MTG1: variants seen among roughly 807,000 people sequenced by gnomAD.
The protein encoded by MTG1 is mitochondrial ribosome-associated GTPase 1.
MTG1 carries 30 observed loss-of-function variants against 39.5 expected under a neutral mutation model. That is an observed-to-expected ratio of 0.76 (90% CI 0.57 to 1.03). The LOEUF (loss-of-function observed/expected upper bound fraction) is 1.03, where lower values mean the gene tolerates loss of function less well. Ranked by LOEUF, MTG1 falls within the 50% of genes least tolerant of loss-of-function variation. MTG1 has a pLI of 0.00. For synonymous variants in MTG1, 217 were observed against 179.0 expected (o/e 1.21, Z -1.69); for missense variants, 513 against 447.4 (o/e 1.15, Z -1.32).
In MTG1 at chr10:133,398,398, T is replaced by TA. The variant is rs57252561; in HGVS notation, c.283-30dup. 706 of 1,600,268 alleles carry TA rather than the reference T, an allele frequency of 4.4e-4. 3 individuals carry two copies. The East Asian group carries it at 0.012, about 27-fold the overall frequency. ...CTGGGTGACAGAGCCAAGACTCCAG[T>TA]AAAAAAAGTAACATAGAAATGTTTT... On this transcript the variant is annotated intron_variant, in intron 3 of 10. Coordinates refer to ENST00000317502, the MANE Select transcript of MTG1 (RefSeq NM_138384.4).
rs150969346 is a variant in MTG1, at chr10:133,419,489, G to A, written c.762G>A (p.Gln254=). Residue 254 remains glutamine (Q), a synonymous_variant, in exon 10 of 11, where the codon CAG becomes CAA. Coordinates refer to ENST00000317502, the MANE Select transcript of MTG1 (RefSeq NM_138384.4). ...TGCAGCCTATGTGCAGGTACGTGCA[G>A]CACTACGGCCTGGGCAGTGCCTGTG... is the stretch of plus-strand genomic sequence containing the variant. ...LNKHQRFGYV[Q]HYGLGSACDN... is the part of the protein sequence containing the mutation. 3.1e-3 allele frequency: 5,035 copies of A among 1,599,172 alleles called. 21 individuals carry two copies. The highest frequency in any genetic ancestry group is 3.8e-3 in the Non-Finnish European group (4,480 of 1,173,442).
chr10:133,408,660 T>A (rs558604185), intron 9 of MTG1, among the ~76,000 whole-genome samples: 2 of 152,392 alleles, frequency 1.3e-5, no homozygotes, highest in African/African-American at 4.8e-5. Context: ...AGTTCAGCAG[T>A]GAAGCCATCA....
At position 133,396,187 on chromosome 10, in the gene MTG1, C is replaced by A. The variant is rs1184726952; in HGVS notation, c.202C>A (p.Leu68Met). Residue 68 changes from leucine to methionine, a missense_variant, in exon 3 of 11, where the codon CTG becomes ATG. Physicochemically the swap from Leu to Met is conservative, Grantham distance 15. Transcript: ENST00000317502. ...ARIPLSGRNP[L>M]FQETLGLKPH... ...CATCCCACTTTCAGGCCGCAACCCTCTGTTTCAGGAAACCCTTGGGCTTAA... is the reference window on the plus strand; with the variant it reads ...CATCCCACTTTCAGGCCGCAACCCTATGTTTCAGGAAACCCTTGGGCTTAA... The A allele has an allele frequency of 6.2e-7, 1 of 1,614,208 alleles. No homozygotes were observed. The highest frequency in any genetic ancestry group is 1.7e-5 in the Admixed American group (1 of 60,022).
intron 9 of MTG1, among the ~76,000 whole-genome samples, chr10:133,404,904 C>T (rs760272805): frequency 1.3e-5 from 2 of 152,146 alleles, no homozygotes; most frequent in African/African-American, 2.4e-5. Context: ...TGTGACCGAC[C>T]GTCTTGGTAA....
chr10:133,402,290 CT>C lies in MTG1; in HGVS notation c.670+46del, dbSNP rs1452147591. On this transcript the variant is annotated intron_variant, in intron 8 of 10. Coordinates refer to ENST00000317502, the MANE Select transcript of MTG1 (RefSeq NM_138384.4). This position sits in a 1 kb window ranked among gnomAD's most constrained non-coding sequence, Gnocchi z 4.7. ...GGGGCTGGGGCTGGGACCGGGGCCC[CT>C]GCCACCCCACCTTTAGGGCTGGCTT... 3.1e-6 allele frequency: 5 copies of C among 1,609,620 alleles called. No individual in the cohort carries two copies. The highest frequency in any genetic ancestry group is 4.2e-6 in the Non-Finnish European group (5 of 1,177,762).
At chr10:133,395,536 G>A (rs950143468) in intron 1 of MTG1, among the ~76,000 whole-genome samples, 177 bp from the exon 2 acceptor site, 3 of 152,214 alleles carry the variant, frequency 2.0e-5, no homozygotes, top group Admixed American at 1.3e-4. Context: ...CCGAGGGTGC[G>A]GACCTTGGAG....
chr10:133,413,385 A>G (rs992533194), intron 9 of MTG1, among the ~76,000 whole-genome samples: 6 of 151,916 alleles, frequency 3.9e-5, no homozygotes, highest in Admixed American at 2.6e-4. Flanking sequence ...AAGTGCTGGG[A>G]TTACAGGTGT....
chr10:133,415,805 TCTA>T lies in MTG1; in HGVS notation c.753-3672_753-3670del, dbSNP rs578078122. Among the ~76,000 whole-genome samples, 7 of 152,340 alleles carry T rather than the reference TCTA, an allele frequency of 4.6e-5. No homozygotes were observed. In the East Asian group the frequency reaches 1.3e-3, roughly 29 times the overall value. On this transcript the variant is annotated intron_variant, in intron 9 of 10. Coordinates refer to ENST00000317502, the MANE Select transcript of MTG1 (RefSeq NM_138384.4). ...TATCTGCAGGTGTTTTTTCTGTCCC[TCTA>T]CTCCTCAGGACCTCAGGCATGCAGG...
Position 133,420,297 on chromosome 10 carries a change from C to T in MTG1, c.*132C>T, listed in dbSNP as rs1305462672. 1.0e-5 allele frequency: 12 copies of T among 1,154,006 alleles called. No individual in the cohort carries two copies. In the East Asian group the frequency reaches 2.6e-4, roughly 25 times the overall value. 71.5% of individuals were successfully genotyped at this position (1,154,006 alleles called of 1,614,324 possible). A position where few individuals can be genotyped will look rare whatever the true frequency, so the allele number is the denominator to read the frequency against. ...ACTAGGGTGCTGTGCTCTCTGGCGC[C>T]CCACAGCCTGGCCAGCTCCAGGGAC... On this transcript the variant is annotated 3_prime_UTR_variant, in exon 11 of 11. Coordinates refer to ENST00000317502, the MANE Select transcript of MTG1 (RefSeq NM_138384.4).
At chr10:133,394,409 C>T (rs1049015366) in intron 1 of MTG1, 77 bp downstream of exon 1, 4 of 1,349,898 alleles carry the variant, frequency 3.0e-6, no homozygotes, top group South Asian at 1.6e-5. Context: ...CGGTTTCGGC[C>T]GTCGCCTGCT....
At chr10:133,419,789 A>G (rs568938577) in intron 10 of MTG1, among the ~76,000 whole-genome samples, 197 bp downstream of exon 10, 1 of 152,272 alleles carries the variant, frequency 6.6e-6, no homozygotes, top group East Asian at 1.9e-4. Flanking sequence ...TCCGAGGGTG[A>G]GACCAGCCCT....
In MTG1 at chr10:133,415,988, C is replaced by T. The variant is rs372951247; in HGVS notation, c.753-3492C>T. Among the ~76,000 whole-genome samples, 16 of 107,900 alleles carry T rather than the reference C, an allele frequency of 1.5e-4. 2 individuals carry two copies. Among genetic ancestry groups the T allele is most frequent in the Admixed American group, 1.2e-3 (11 of 9,208 alleles). 70.8% of individuals were successfully genotyped at this position (107,900 alleles called of 152,430 possible). On this transcript the variant is annotated intron_variant, in intron 9 of 10. Transcript: ENST00000317502. Reference sequence around the variant, plus strand: ...GGTGTCGGGCAGGCGGGTGTCGGCACGCGGGTGTCGGGCAGGCGGGTGTCG... The same window carrying T: ...GGTGTCGGGCAGGCGGGTGTCGGCATGCGGGTGTCGGGCAGGCGGGTGTCG...
intron 9 of MTG1, among the ~76,000 whole-genome samples, chr10:133,419,196 C>T (rs1300570083): frequency 1.3e-5 from 2 of 152,360 alleles, no homozygotes; most frequent in African/African-American, 4.8e-5. Flanking sequence ...TGTTACTCCT[C>T]CCGCTGCGGC....
intron 9 of MTG1, among the ~76,000 whole-genome samples, chr10:133,405,607 C>G (rs936066105): frequency 2.0e-5 from 3 of 152,176 alleles, no homozygotes; most frequent in African/African-American, 7.2e-5. Context: ...CTTTCTGTGC[C>G]TGTTTATTTC....
intron 1 of MTG1, chr10:133,394,548 G>C (rs931579276): frequency 1.0e-5 from 14 of 1,337,264 alleles, no homozygotes; most frequent in Non-Finnish European, 1.2e-5. Context: ...GTTCCCGCGA[G>C]TGCCCCCGCG....
intron 6 of MTG1, among the ~76,000 whole-genome samples, chr10:133,400,373 T>C (rs986558501): frequency 3.9e-5 from 6 of 152,232 alleles, no homozygotes; most frequent in Non-Finnish European, 8.8e-5. Context: ...TTCCTCCCTC[T>C]GTGCCTGTTC....
intron 2 of MTG1, 146 bp downstream of exon 2, chr10:133,395,923 G>A (rs564039579): frequency 1.7e-5 from 15 of 888,826 alleles, no homozygotes; most frequent in East Asian, 7.9e-5. Context: ...TCCAGACTGC[G>A]TGTCTTTGAA....
chr10:133,394,237 G>C lies in MTG1; in HGVS notation c.17G>C (p.Arg6Pro). 1.3e-6 allele frequency: 2 copies of C among 1,516,570 alleles called. No individual in the cohort carries two copies. 93.9% of individuals were successfully genotyped at this position (1,516,570 alleles called of 1,614,324 possible). A position where few individuals can be genotyped will look rare whatever the true frequency, so the allele number is the denominator to read the frequency against. Residue 6 changes from arginine (R) to proline (P), a missense_variant, in exon 1 of 11, where the codon CGC becomes CCC. Arg to Pro is a moderately radical substitution (Grantham distance 103, BLOSUM62 -2). Transcript: ENST00000317502. ...GGTGCCGCCATGAGATTGACCCCGC[G>C]CGCGCTGTGCAGCGCCGCCCAGGCC... MRLTP[R>P]ALCSAAQAAW... is the part of the protein sequence containing the mutation.
chr10:133,410,184 A>G (rs949963710), intron 9 of MTG1, among the ~76,000 whole-genome samples: 1 of 152,056 alleles, frequency 6.6e-6, no homozygotes, highest in Non-Finnish European at 1.5e-5. Context: ...AGTTAGGACT[A>G]CAGGCGTGTG....
Sources: gnomAD v4.1 joint callset for allele counts (sites outside exome capture counted in the v4.1 genomes callset) on GRCh38, gnomAD v4.1.1 for gene constraint, Gnocchi (gnomAD v3.1) non-coding constraint, MANE v1.5 for transcripts, NCBI Gene and HGNC (gene_info 2026-07-23, HGNC 2026-07-21) for gene names.